GABRG3: variants seen among roughly 807,000 people sequenced by gnomAD.
The protein encoded by GABRG3 is gamma-aminobutyric acid type A receptor subunit gamma3, also known as gamma-aminobutyric acid receptor subunit gamma-3.
A neutral mutation model predicts 48.8 loss-of-function variants in GABRG3; 25 were observed. That is an observed-to-expected ratio of 0.51 (90% CI 0.37 to 0.72). The LOEUF (loss-of-function observed/expected upper bound fraction) is 0.72. GABRG3 is among the 30% of genes least tolerant of loss of function. The probability of loss-of-function intolerance (pLI) is 0.00; values close to 1 mark genes in which losing one functional copy is unlikely to be tolerated. For synonymous variants in GABRG3, 227 were observed against 217.6 expected (o/e 1.04, Z -0.38); for missense variants, 394 against 577.9 (o/e 0.68, Z 3.26).
At chr15:27,262,280 G>A (rs1201688400) in intron 3 of GABRG3, among the ~76,000 whole-genome samples, 1 of 152,168 alleles carries the variant, frequency 6.6e-6, no homozygotes, top group Non-Finnish European at 1.5e-5. Flanking sequence ...GTAGTCTGTG[G>A]ACTCTTCTAC....
chr15:27,238,421 T>C (rs1331881411), intron 3 of GABRG3, among the ~76,000 whole-genome samples: 1 of 152,222 alleles, frequency 6.6e-6, no homozygotes, highest in Non-Finnish European at 1.5e-5. Flanking sequence ...GCGTCATCAC[T>C]GCAGCTATTT....
chr15:27,459,125 C>T (rs150820139), intron 5 of GABRG3, among the ~76,000 whole-genome samples: 63 of 152,338 alleles, frequency 4.1e-4, no homozygotes, highest in African/African-American at 1.4e-3. Flanking sequence ...TGTTTCCTGC[C>T]CTCTGTCTCA....
At position 27,427,867 on chromosome 15, in the gene GABRG3, C is replaced by A. The variant is rs1216008742; in HGVS notation, c.575-52783C>A. Among the ~76,000 whole-genome samples, 3 of 152,090 alleles carry A rather than the reference C, an allele frequency of 2.0e-5. 1 individual carries two copies. The highest frequency in any genetic ancestry group is 4.8e-5 in the African/African-American group (2 of 41,418). On this transcript the variant is annotated intron_variant, in intron 5 of 9. Transcript: ENST00000615808. ...TGGCTTGTTAATTTCAACTTCTCTGCAATTTTATGTATTTTACTTATTTAT... is the reference window on the plus strand; with the variant it reads ...TGGCTTGTTAATTTCAACTTCTCTGAAATTTTATGTATTTTACTTATTTAT...
intron 3 of GABRG3, among the ~76,000 whole-genome samples, chr15:27,127,951 C>T (rs1004288702): frequency 4.0e-4 from 61 of 152,266 alleles, no homozygotes; most frequent in African/African-American, 1.3e-3. Context: ...GGTGATAAAG[C>T]GTCTCCTCAG....
At chr15:27,027,484 T>C (rs996966328) in intron 3 of GABRG3, among the ~76,000 whole-genome samples, 1 of 152,212 alleles carries the variant, frequency 6.6e-6, no homozygotes, top group African/African-American at 2.4e-5. Flanking sequence ...GCTCCTGATT[T>C]GGGGAGACGT....
chr15:27,141,082 T>G (rs1012141246), intron 3 of GABRG3, among the ~76,000 whole-genome samples: 3 of 152,142 alleles, frequency 2.0e-5, no homozygotes, highest in Non-Finnish European at 4.4e-5. Flanking sequence ...TTAGAGGTAG[T>G]GTTTTGGGTG....
At chr15:27,158,667 A>G (rs1898496813) in intron 3 of GABRG3, among the ~76,000 whole-genome samples, 1 of 152,244 alleles carries the variant, frequency 6.6e-6, no homozygotes, top group Admixed American at 6.5e-5. Flanking sequence ...GCCAAGGGTT[A>G]GAATAAACTG....
At chr15:27,433,256 A>G (rs1375615446) in intron 5 of GABRG3, among the ~76,000 whole-genome samples, 1 of 152,248 alleles carries the variant, frequency 6.6e-6, no homozygotes, top group Non-Finnish European at 1.5e-5. Flanking sequence ...CTCCTGTAAC[A>G]AACTACCAAA....
intron 2 of GABRG3, among the ~76,000 whole-genome samples, chr15:27,021,187 A>T (rs1292772991): frequency 6.6e-6 from 1 of 152,082 alleles, no homozygotes. Flanking sequence ...ATGTATCAAT[A>T]AAAAAAATTA....
intron 5 of GABRG3, among the ~76,000 whole-genome samples, chr15:27,354,585 C>T (rs1025996316): frequency 3.9e-5 from 6 of 152,182 alleles, no homozygotes; most frequent in Admixed American, 3.9e-4. Flanking sequence ...GAGCACTTAG[C>T]TGCACTGAGA....
At chr15:27,123,663 C>T (rs1049064630) in intron 3 of GABRG3, among the ~76,000 whole-genome samples, 1 of 152,180 alleles carries the variant, frequency 6.6e-6, no homozygotes, top group Non-Finnish European at 1.5e-5. Context: ...GCGTATGACA[C>T]ACAGTCCCAG....
At chr15:27,181,305 G>C (rs1595570256) in intron 3 of GABRG3, among the ~76,000 whole-genome samples, 1 of 152,176 alleles carries the variant, frequency 6.6e-6, no homozygotes, top group Admixed American at 6.5e-5. Context: ...TGCCACCAGG[G>C]AGAGAAAAAC....
At chr15:27,525,113 G>A (rs1891242422) in intron 7 of GABRG3, among the ~76,000 whole-genome samples, 1 of 151,782 alleles carries the variant, frequency 6.6e-6, no homozygotes, top group African/African-American at 2.4e-5. Flanking sequence ...ATACTACTCA[G>A]CAGTAGGAAA....
intron 5 of GABRG3, among the ~76,000 whole-genome samples, chr15:27,458,345 G>A (rs1205280370): frequency 1.3e-5 from 2 of 152,186 alleles, no homozygotes; most frequent in Non-Finnish European, 2.9e-5. Context: ...GGAAATGCAA[G>A]GCCATTTAAT....
chr15:27,159,459 G>A (rs1898519673), intron 3 of GABRG3, among the ~76,000 whole-genome samples: 1 of 151,828 alleles, frequency 6.6e-6, no homozygotes, highest in Non-Finnish European at 1.5e-5. Context: ...TTCAGCCTGG[G>A]CAATAGAGTG....
At chr15:27,374,967 A>G (rs1333765944) in intron 5 of GABRG3, among the ~76,000 whole-genome samples, 1 of 152,192 alleles carries the variant, frequency 6.6e-6, no homozygotes, top group Non-Finnish European at 1.5e-5. Flanking sequence ...GATGACCCCC[A>G]ACACAATGGG....
At chr15:27,052,393 G>C (rs905959377) in intron 3 of GABRG3, among the ~76,000 whole-genome samples, 1 of 152,208 alleles carries the variant, frequency 6.6e-6, no homozygotes, top group Non-Finnish European at 1.5e-5. Context: ...GGGCCTCGGC[G>C]TGTGGCACAG....
intron 3 of GABRG3, among the ~76,000 whole-genome samples, chr15:27,252,612 A>T (rs1212798678): frequency 6.6e-6 from 1 of 152,242 alleles, no homozygotes; most frequent in Non-Finnish European, 1.5e-5. Flanking sequence ...GAATTACAGC[A>T]GAAATTGAAG....
chr15:27,513,343 G>A lies in GABRG3; in HGVS notation c.713-6629G>A, dbSNP rs186652317. On this transcript the variant is annotated intron_variant, in intron 6 of 9. Coordinates refer to ENST00000615808, the MANE Select transcript of GABRG3 (RefSeq NM_033223.5). ...TGGGCGCCTGTAGTCCCAGCTACTCGGGAGGCTGAGGCAGGAGAATGGCGT... is the reference window on the plus strand; with the variant it reads ...TGGGCGCCTGTAGTCCCAGCTACTCAGGAGGCTGAGGCAGGAGAATGGCGT... Among the ~76,000 whole-genome samples, 760 of 152,070 alleles carry A rather than the reference G, an allele frequency of 5.0e-3. 19 individuals are homozygous for A. Among genetic ancestry groups the A allele is most frequent in the Admixed American group, 0.041 (621 of 15,272 alleles).
Sources: gnomAD v4.1 joint callset for allele counts (sites outside exome capture counted in the v4.1 genomes callset) on GRCh38, gnomAD v4.1.1 for gene constraint, MANE v1.5 for transcripts, NCBI Gene and HGNC (gene_info 2026-07-23, HGNC 2026-07-21) for gene names.